Variants in MAP3K5 observed in about 807,000 individuals in gnomAD.
MAP3K5 encodes the protein ASK-1.
A neutral mutation model predicts 158.7 loss-of-function variants in MAP3K5; 56 were observed. That is an observed-to-expected ratio of 0.35 (90% CI 0.28 to 0.44). The LOEUF (loss-of-function observed/expected upper bound fraction) is 0.44. MAP3K5 is among the 20% of genes least tolerant of loss of function. The pLI is 1.00. For missense variants in MAP3K5, 1,294 were observed against 1,674.8 expected (o/e 0.77, Z 3.97); for synonymous variants, 579 against 601.7 (o/e 0.96, Z 0.55).
chr6:136,743,530 C>T (rs1782805340), intron 1 of MAP3K5, among the ~76,000 whole-genome samples: 1 of 152,154 alleles, frequency 6.6e-6, no homozygotes, highest in Non-Finnish European at 1.5e-5. Flanking sequence ...ACACTGACGC[C>T]ATCAAAGGCC....
chr6:136,564,782 AGACAAGATT>A (rs1449245335), intron 26 of MAP3K5, among the ~76,000 whole-genome samples: 4 of 152,224 alleles, frequency 2.6e-5, no homozygotes, highest in African/African-American at 9.6e-5. Flanking sequence ...CTTAACAGGT[AGACAAGATT>A]GAAAACCTAA....
chr6:136,726,789 A>G (rs1042575685), intron 1 of MAP3K5, among the ~76,000 whole-genome samples: 1 of 152,204 alleles, frequency 6.6e-6, no homozygotes, highest in Non-Finnish European at 1.5e-5. Flanking sequence ...CTAGCATATA[A>G]AAATACAATA....
chr6:136,770,777 A>G (rs1469766579), intron 1 of MAP3K5, among the ~76,000 whole-genome samples: 2 of 152,170 alleles, frequency 1.3e-5, no homozygotes, highest in African/African-American at 4.8e-5. Context: ...GAAATAAAAC[A>G]CAAATGAATA....
At chr6:136,772,833 C>G (rs897978755) in intron 1 of MAP3K5, among the ~76,000 whole-genome samples, 6 of 152,124 alleles carry the variant, frequency 3.9e-5, no homozygotes, top group Non-Finnish European at 7.4e-5. Context: ...GGTTCCAGTT[C>G]CTATTCTTGA....
At chr6:136,585,473 C>CTTTCTTTCTTTATTTA (rs562356592) in intron 23 of MAP3K5, among the ~76,000 whole-genome samples, 15 of 135,144 alleles carry the variant, frequency 1.1e-4, no homozygotes, top group African/African-American at 4.1e-4. Context: ...CTTTTCTTTT[C>CTTTCTTTCTTTATTTA]TTTATTTATT....
chr6:136,773,315 A>G (rs142651410), intron 1 of MAP3K5, among the ~76,000 whole-genome samples: 1 of 152,218 alleles, frequency 6.6e-6, no homozygotes, highest in East Asian at 1.9e-4. Context: ...TCGTGAACAC[A>G]TTTCTTTAAA....
chr6:136,764,268 A>G (rs1425954483), intron 1 of MAP3K5, among the ~76,000 whole-genome samples: 2 of 152,154 alleles, frequency 1.3e-5, no homozygotes, highest in East Asian at 3.8e-4. Flanking sequence ...TGGTGCTGTA[A>G]CTGCTTTTAC....
chr6:136,744,274 T>G (rs1322873132), intron 1 of MAP3K5, among the ~76,000 whole-genome samples: 1 of 152,020 alleles, frequency 6.6e-6, no homozygotes, highest in Non-Finnish European at 1.5e-5. Flanking sequence ...GGTAAGGAGT[T>G]TATGGGCAGT....
chr6:136,658,309 C>CTTTTTTTTT (rs1352808549), intron 9 of MAP3K5, among the ~76,000 whole-genome samples: 19 of 75,664 alleles, frequency 2.5e-4, no homozygotes, highest in African/African-American at 6.8e-4. Flanking sequence ...TTCTTTCTTT[C>CTTTTTTTTT]TTTCTTTTTT....
Position 136,609,172 on chromosome 6 carries a change from G to T in MAP3K5, c.2521+2110C>A, listed in dbSNP as rs1315645655. On this transcript the variant is annotated intron_variant, in intron 18 of 29. Transcript: ENST00000359015. This position sits in a 1 kb window ranked among gnomAD's most constrained non-coding sequence, Gnocchi z 4.4. ...GTCCCACAAAGTGTGTGAAACGAGGGATTTTCCTCTCAGAAATTACTGAGT... is the reference window on the plus strand; with the variant it reads ...GTCCCACAAAGTGTGTGAAACGAGGTATTTTCCTCTCAGAAATTACTGAGT... Among the ~76,000 whole-genome samples, 1 of 152,194 alleles carries T rather than the reference G, an allele frequency of 6.6e-6. No individual in the cohort carries two copies. Among genetic ancestry groups the T allele is most frequent in the Non-Finnish European group, 1.5e-5 (1 of 68,028 alleles).
chr6:136,606,957 T>C (rs1776127100), intron 18 of MAP3K5, among the ~76,000 whole-genome samples: 1 of 152,252 alleles, frequency 6.6e-6, no homozygotes, highest in South Asian at 2.1e-4. Context: ...AGGTTTATCC[T>C]GCAGACCTTA....
At chr6:136,558,908 GT>G in intron 28 of MAP3K5, 32 bp from the exon 29 acceptor site, 1 of 1,088,456 alleles carries the variant, frequency 9.2e-7, no homozygotes, top group Non-Finnish European at 1.4e-6. Context: ...CACAAAAGAT[GT>G]TTTATATAAC....
At chr6:136,669,995 G>C (rs1395136639) in intron 7 of MAP3K5, among the ~76,000 whole-genome samples, 1 of 151,780 alleles carries the variant, frequency 6.6e-6, no homozygotes, top group African/African-American at 2.4e-5. Context: ...AAAATATACA[G>C]AGCACTGAGG....
intron 15 of MAP3K5, among the ~76,000 whole-genome samples, chr6:136,622,418 C>A (rs536431445): frequency 6.6e-6 from 1 of 152,306 alleles, no homozygotes; most frequent in South Asian, 2.1e-4. Context: ...GCCTCCCTTG[C>A]AACTTCACGG....
intron 26 of MAP3K5, among the ~76,000 whole-genome samples, chr6:136,565,849 G>A (rs1311310137): frequency 3.3e-5 from 5 of 152,142 alleles, no homozygotes; most frequent in Non-Finnish European, 5.9e-5. Flanking sequence ...ATGGAAAGCC[G>A]TGGGAGATAT....
intron 17 of MAP3K5, 128 bp from the exon 18 acceptor site, chr6:136,611,515 T>C: frequency 1.8e-6 from 1 of 549,854 alleles, no homozygotes. Context: ...AATTCTGTAT[T>C]CTTCATTAAT....
intron 25 of MAP3K5, among the ~76,000 whole-genome samples, chr6:136,577,051 G>A (rs2129073759): frequency 6.6e-6 from 1 of 152,158 alleles, no homozygotes; most frequent in South Asian, 2.1e-4. Context: ...GCATGTCTCA[G>A]AACATAGCCC....
intron 1 of MAP3K5, among the ~76,000 whole-genome samples, chr6:136,785,298 G>A (rs1784796012): frequency 1.3e-5 from 2 of 152,334 alleles, no homozygotes; most frequent in South Asian, 2.1e-4. Flanking sequence ...ACACATGGGC[G>A]ACTTTTGTCA....
rs1179004470 is a variant in MAP3K5 at position 136,609,859 on chromosome 6, T to TG, written c.2521+1422dup. 8.3e-6 allele frequency among the ~76,000 whole-genome samples: 1 copy of TG among 120,134 alleles called. No homozygotes were observed. The highest frequency in any genetic ancestry group is 3.2e-5 in the African/African-American group (1 of 31,102). 78.8% of individuals were successfully genotyped at this position (120,134 alleles called of 152,430 possible). A position where few individuals can be genotyped will look rare whatever the true frequency, so the allele number is the denominator to read the frequency against. On this transcript the variant is annotated intron_variant, in intron 18 of 29. Transcript: ENST00000359015. This position sits in a 1 kb window ranked among gnomAD's most constrained non-coding sequence, Gnocchi z 4.4. ...ATGACATCCTAGATACTTAGGAGAGTGGGGTGGGTGGACTGCTTAAACCCA... is the reference window on the plus strand; with the variant it reads ...ATGACATCCTAGATACTTAGGAGAGTGGGGGTGGGTGGACTGCTTAAACCCA...
Sources: gnomAD v4.1 joint callset for allele counts (sites outside exome capture counted in the v4.1 genomes callset) on GRCh38, gnomAD v4.1.1 for gene constraint, Gnocchi (gnomAD v3.1) non-coding constraint, MANE v1.5 for transcripts, NCBI Gene and HGNC (gene_info 2026-07-23, HGNC 2026-07-21) for gene names.